The following STIM1 variants were observed in gnomAD, a reference collection of about 807,000 sequenced individuals.
The protein encoded by STIM1 is stromal interaction molecule 1.
A neutral mutation model predicts 74.7 loss-of-function variants in STIM1; 25 were observed. The observed-to-expected ratio is 0.33, with a 90% CI of 0.24 to 0.47. The LOEUF (loss-of-function observed/expected upper bound fraction) is 0.47, where lower values mean the gene tolerates loss of function less well. STIM1 is among the 20% of genes least tolerant of loss of function. STIM1 has a pLI of 1.00. For synonymous variants in STIM1, 328 were observed against 348.8 expected (o/e 0.94, Z 0.66); for missense variants, 728 against 920.8 (o/e 0.79, Z 2.71).
intron 3 of STIM1, among the ~76,000 whole-genome samples, chr11:4,048,448 C>CT (rs1319421270): frequency 1.3e-5 from 2 of 151,932 alleles, no homozygotes; most frequent in Non-Finnish European, 2.9e-5. Flanking sequence ...TAAAATGATG[C>CT]TTTTTTGCTG....
intron 1 of STIM1, among the ~76,000 whole-genome samples, chr11:3,870,855 T>TCCTATCAG (rs2091057687): frequency 6.7e-6 from 1 of 148,598 alleles, no homozygotes; most frequent in Non-Finnish European, 1.5e-5. Context: ...AGTGACCATA[T>TCCTATCAG]CCTATCAGCT....
intron 12 of STIM1, 189 bp downstream of exon 12, chr11:4,086,732 T>G (rs1306040415): frequency 6.5e-7 from 1 of 1,537,492 alleles, no homozygotes; most frequent in African/African-American, 1.4e-5. Context: ...ACCACCACCT[T>G]CACCACCGTC....
chr11:3,987,072 G>A (rs188612583), intron 2 of STIM1, among the ~76,000 whole-genome samples: 1 of 152,170 alleles, frequency 6.6e-6, no homozygotes, highest in East Asian at 1.9e-4. Flanking sequence ...GAAGTTGCTG[G>A]GTCCCTTGAC....
At chr11:4,058,696 T>G in intron 4 of STIM1, 1 of 699,042 alleles carries the variant, frequency 1.4e-6, no homozygotes, top group Non-Finnish European at 1.8e-6. Context: ...ATTACAGTAA[T>G]TTTATTGGAG....
At chr11:4,015,370 C>T (rs912593018) in intron 2 of STIM1, among the ~76,000 whole-genome samples, 2 of 152,156 alleles carry the variant, frequency 1.3e-5, no homozygotes, top group African/African-American at 2.4e-5. Flanking sequence ...TGAATATTGG[C>T]CCCCACTCTC....
intron 3 of STIM1, among the ~76,000 whole-genome samples, chr11:4,034,161 G>A (rs143465062): frequency 0.021 from 3,119 of 151,928 alleles, 44 homozygotes; most frequent in Non-Finnish European, 0.03. Flanking sequence ...CCCAGGAGGC[G>A]GAGGTTGCAG....
intron 2 of STIM1, among the ~76,000 whole-genome samples, chr11:4,007,015 G>T (rs192836479): frequency 2.4e-3 from 367 of 152,276 alleles, no homozygotes; most frequent in African/African-American, 8.2e-3. Flanking sequence ...GGCCTATTTT[G>T]TAGAAATTAT....
rs138552444 is a variant in STIM1, at chr11:3,972,123, C to T, written c.270+4441C>T. Among the ~76,000 whole-genome samples the T allele has an allele frequency of 1.3e-3, 194 of 152,310 alleles. 1 individual carries two copies. Among genetic ancestry groups the T allele is most frequent in the African/African-American group, 4.4e-3 (183 of 41,576 alleles). ...AGGACCTGAGATTTTTATAAGTCATCTTAAAAGCCTTGCTGATTACTCAAG... is the reference window on the plus strand; with the variant it reads ...AGGACCTGAGATTTTTATAAGTCATTTTAAAAGCCTTGCTGATTACTCAAG... On this transcript the variant is annotated intron_variant, in intron 2 of 12. Coordinates refer to ENST00000526596, the MANE Select transcript of STIM1 (RefSeq NM_001382567.1).
Position 3,967,577 on chromosome 11 carries a change from G to T in STIM1, c.165G>T (p.Leu55=). The change falls in exon 2 of 13, where the codon CTG becomes CTT. Residue 55 remains leucine (L), a synonymous_variant. Transcript: ENST00000526596. The stretch of plus-strand genomic sequence containing the variant: ...AGTTTTGCCGAATTGACAAGCCCCT[G>T]TGTCACAGTGAGGATGAGAAACTCA... The part of the protein sequence containing the change: ...AAEFCRIDKP[L]CHSEDEKLSF... The T allele has an allele frequency of 2.5e-6, 4 of 1,614,184 alleles. No homozygotes were observed. The highest frequency in any genetic ancestry group is 2.5e-6 in the Non-Finnish European group (3 of 1,180,024).
chr11:4,082,609 C>T (rs531036193), intron 8 of STIM1, among the ~76,000 whole-genome samples: 1 of 152,332 alleles, frequency 6.6e-6, no homozygotes, highest in East Asian at 1.9e-4. Flanking sequence ...AGGGAAAGCT[C>T]TGCCAGCCCC....
At chr11:3,975,598 ACAAAGTGAGACTCTGCCT>A (rs1741518810) in intron 2 of STIM1, among the ~76,000 whole-genome samples, 1 of 152,210 alleles carries the variant, frequency 6.6e-6, no homozygotes, top group Non-Finnish European at 1.5e-5. Flanking sequence ...AGATTGGGCA[ACAAAGTGAGACTCTGCCT>A]CAAAAAAAAG....
At chr11:3,896,241 AG>A (rs1326565477) in intron 1 of STIM1, among the ~76,000 whole-genome samples, 1 of 152,028 alleles carries the variant, frequency 6.6e-6, no homozygotes, top group Non-Finnish European at 1.5e-5. Context: ...ATGTGGGACA[AG>A]GGGAAAGGAG....
chr11:4,019,091 G>T, intron 2 of STIM1: 1 of 181,810 alleles, frequency 5.5e-6, no homozygotes, highest in East Asian at 1.2e-4. Context: ...AGTACGTGAA[G>T]GATATAGGTT....
intron 2 of STIM1, among the ~76,000 whole-genome samples, chr11:3,991,950 C>CAAAAAAAAAAAAAAAAAAAAAAAAAAAAA (rs1230185435): frequency 2.7e-5 from 1 of 36,696 alleles, no homozygotes; most frequent in African/African-American, 1.4e-4. Context: ...AACTCCATCT[C>CAAAAAAAAAAAAAAAAAAAAAAAAAAAAA]AAAAAAAAAA....
chr11:3,986,048 A>G (rs2093555352), intron 2 of STIM1, among the ~76,000 whole-genome samples: 1 of 151,948 alleles, frequency 6.6e-6, no homozygotes, highest in Non-Finnish European at 1.5e-5. Flanking sequence ...TTTTTTCTTC[A>G]AACATATTTA....
chr11:3,958,694 G>T (rs1026668682), intron 1 of STIM1, among the ~76,000 whole-genome samples: 1 of 152,040 alleles, frequency 6.6e-6, no homozygotes, highest in Non-Finnish European at 1.5e-5. Context: ...CCATAGTCAG[G>T]CGCAGTGGCT....
At chr11:3,889,536 T>A (rs2091835565) in intron 1 of STIM1, among the ~76,000 whole-genome samples, 1 of 152,030 alleles carries the variant, frequency 6.6e-6, no homozygotes, top group African/African-American at 2.4e-5. Context: ...TCTGGCTAAT[T>A]TTTTTATTTT....
intron 2 of STIM1, chr11:4,019,226 C>A (rs1157407178): frequency 6.6e-6 from 1 of 152,226 alleles, no homozygotes; most frequent in Admixed American, 6.5e-5. Context: ...TTCTTAATGA[C>A]ACCTTGATTC....
At chr11:4,085,589 A>G (rs1364140375) in intron 11 of STIM1, among the ~76,000 whole-genome samples, 1 of 152,240 alleles carries the variant, frequency 6.6e-6, no homozygotes, top group Non-Finnish European at 1.5e-5. Flanking sequence ...GTCCCACCAT[A>G]TTTGAGCACC....
Sources: gnomAD v4.1 joint callset for allele counts (sites outside exome capture counted in the v4.1 genomes callset) on GRCh38, gnomAD v4.1.1 for gene constraint, MANE v1.5 for transcripts, NCBI Gene and HGNC (gene_info 2026-07-23, HGNC 2026-07-21) for gene names.